Variants in BMPR1A observed in about 807,000 individuals in gnomAD.
The protein encoded by BMPR1A is bone morphogenetic protein receptor type 1A.
BMPR1A carries 7 observed loss-of-function variants against 66.0 expected under a neutral mutation model. The ratio of observed to expected loss-of-function variants is 0.11; its 90% confidence interval spans 0.06 to 0.20. BMPR1A has a LOEUF of 0.20. Among genes scored for constraint, BMPR1A ranks in the 10% least tolerant of loss-of-function variants. The pLI, the probability that BMPR1A is intolerant of heterozygous loss-of-function variation, is 1.00. For missense variants in BMPR1A, 408 were observed against 669.1 expected (o/e 0.61, Z 4.31); for synonymous variants, 200 against 229.7 (o/e 0.87, Z 1.17).
In BMPR1A at chr10:86,920,856, CT is replaced by C. The variant is rs397774280; in HGVS notation, c.1167-647del. Reference sequence around the variant, plus strand: ...TATCTTTTTTTTTTCCTTTTCTTTTCTTTTTTTTTTTTTTTTTGAGAGAGAT... The same window carrying C: ...TATCTTTTTTTTTTCCTTTTCTTTTCTTTTTTTTTTTTTTTTGAGAGAGAT... On this transcript the variant is annotated intron_variant, in intron 10 of 12. Transcript: ENST00000372037. Among the ~76,000 whole-genome samples the C allele has an allele frequency of 3.7e-3, 452 of 122,164 alleles. 1 individual carries two copies. Among genetic ancestry groups the C allele is most frequent in the African/African-American group, 0.011 (355 of 31,782 alleles). The allele number at this position is 122,164 out of a possible 152,430, so 80.1% of individuals were successfully genotyped here.
intron 7 of BMPR1A, among the ~76,000 whole-genome samples, chr10:86,905,099 T>C (rs187666099): frequency 6.6e-6 from 1 of 152,346 alleles, no homozygotes; most frequent in African/African-American, 2.4e-5. Flanking sequence ...CTCATTAATA[T>C]TTTGTTTCCC....
intron 8 of BMPR1A, among the ~76,000 whole-genome samples, chr10:86,913,418 G>A (rs1022093529): frequency 1.3e-5 from 2 of 150,212 alleles, no homozygotes; most frequent in South Asian, 4.2e-4. Context: ...GTGAACCACC[G>A]CACCCACCCT....
At chr10:86,909,399 C>T (rs541442333) in intron 7 of BMPR1A, among the ~76,000 whole-genome samples, 2 of 152,028 alleles carry the variant, frequency 1.3e-5, no homozygotes, top group East Asian at 1.9e-4. Context: ...TCGAGACCAG[C>T]GTGGCCAACT....
intron 2 of BMPR1A, among the ~76,000 whole-genome samples, chr10:86,857,729 G>A (rs1389749379): frequency 6.8e-6 from 1 of 147,700 alleles, no homozygotes; most frequent in African/African-American, 2.5e-5. Flanking sequence ...GTGACAGCTG[G>A]CTTTCTCCAG....
At chr10:86,900,185 G>A (rs1393245066) in intron 7 of BMPR1A, 59 bp downstream of exon 7, 3 of 1,528,076 alleles carry the variant, frequency 2.0e-6, no homozygotes, top group African/African-American at 1.4e-5. Context: ...GTCAACCGCT[G>A]TTTGTAAAGC....
chr10:86,801,905 G>A (rs752911924), intron 1 of BMPR1A, among the ~76,000 whole-genome samples: 3 of 151,912 alleles, frequency 2.0e-5, no homozygotes, highest in Non-Finnish European at 4.4e-5. Flanking sequence ...TAGTAGAGAC[G>A]GAGTTTCATC....
At chr10:86,810,602 C>T (rs1428808602) in intron 1 of BMPR1A, among the ~76,000 whole-genome samples, 1 of 152,194 alleles carries the variant, frequency 6.6e-6, no homozygotes, top group African/African-American at 2.4e-5. Context: ...ATTATAGCCA[C>T]TCAGGTGGGT....
At chr10:86,763,129 C>T (rs192747613) in intron 1 of BMPR1A, among the ~76,000 whole-genome samples, 3 of 151,716 alleles carry the variant, frequency 2.0e-5, no homozygotes, top group South Asian at 4.2e-4. Flanking sequence ...CTCCTGACCT[C>T]GTGATCCGCC....
chr10:86,793,437 C>T (rs1841660663), intron 1 of BMPR1A, among the ~76,000 whole-genome samples: 1 of 150,554 alleles, frequency 6.6e-6, no homozygotes, highest in African/African-American at 2.5e-5. Context: ...GATCTCGGCT[C>T]TCTGCAACCT....
chr10:86,840,564 G>T (rs1333985690), intron 2 of BMPR1A, among the ~76,000 whole-genome samples: 1 of 151,462 alleles, frequency 6.6e-6, no homozygotes, highest in African/African-American at 2.4e-5. Flanking sequence ...CATGATTTCC[G>T]CAATTATCTC....
chr10:86,785,684 C>T (rs1233650471), intron 1 of BMPR1A, among the ~76,000 whole-genome samples: 5 of 152,170 alleles, frequency 3.3e-5, no homozygotes, highest in Admixed American at 2.0e-4. Flanking sequence ...ATCCGCTCTC[C>T]GGTGGTTCTG....
chr10:86,810,884 C>G (rs1841960567), intron 1 of BMPR1A, among the ~76,000 whole-genome samples: 1 of 144,710 alleles, frequency 6.9e-6, no homozygotes, highest in Non-Finnish European at 1.5e-5. Flanking sequence ...TTGATGGTGC[C>G]CTTTGAAGCA....
chr10:86,858,610 T>A (rs1356079401), intron 2 of BMPR1A, among the ~76,000 whole-genome samples: 1 of 152,026 alleles, frequency 6.6e-6, no homozygotes, highest in Non-Finnish European at 1.5e-5. Context: ...GAGTACAAAA[T>A]CAATATACAA....
At chr10:86,915,427 T>C (rs1323972218) in intron 8 of BMPR1A, among the ~76,000 whole-genome samples, 1 of 152,166 alleles carries the variant, frequency 6.6e-6, no homozygotes, top group Non-Finnish European at 1.5e-5. Flanking sequence ...CTTGTTGAAC[T>C]TTTCTCAAAA....
intron 1 of BMPR1A, among the ~76,000 whole-genome samples, chr10:86,759,043 A>G (rs949610117): frequency 2.6e-5 from 4 of 152,220 alleles, no homozygotes; most frequent in Admixed American, 1.3e-4. Context: ...TGTGATTTTA[A>G]TTAAGGTGCA....
At chr10:86,930,347 C>G (rs905027613), downstream of BMPR1A, 4 of 152,104 alleles carry the variant, frequency 2.6e-5, no homozygotes, top group African/African-American at 9.7e-5. Flanking sequence ...TGGGGTGATC[C>G]CAGCTCACTG....
intron 3 of BMPR1A, 66 bp downstream of exon 3, chr10:86,876,151 C>T (rs1200693391): frequency 6.9e-6 from 10 of 1,441,450 alleles, no homozygotes; most frequent in East Asian, 2.3e-5. Flanking sequence ...TGCTTCTGTT[C>T]TTTCAACTCA....
intron 2 of BMPR1A, among the ~76,000 whole-genome samples, chr10:86,866,700 T>C (rs1433210588): frequency 6.6e-6 from 1 of 152,020 alleles, no homozygotes; most frequent in Non-Finnish European, 1.5e-5. Flanking sequence ...ATTTTTTTTT[T>C]TTTCAGAGTT....
At chr10:86,902,347 G>A (rs1164763932) in intron 7 of BMPR1A, among the ~76,000 whole-genome samples, 1 of 151,436 alleles carries the variant, frequency 6.6e-6, no homozygotes, top group African/African-American at 2.4e-5. Flanking sequence ...TTTGTAATAT[G>A]AGCTACCTAT....
Sources: allele counts gnomAD v4.1 joint callset (sites outside exome capture counted in the v4.1 genomes callset), GRCh38; gene constraint gnomAD v4.1.1; transcripts MANE v1.5; gene names NCBI Gene and HGNC (gene_info 2026-07-23, HGNC 2026-07-21).